DYRK1A: variants seen among roughly 807,000 people sequenced by gnomAD.
DYRK1A encodes the protein dual specificity tyrosine phosphorylation regulated kinase 1A, also known as dual specificity tyrosine-phosphorylation-regulated kinase 1A.
A neutral mutation model predicts 79.7 loss-of-function variants in DYRK1A; 9 were observed. The ratio of observed to expected loss-of-function variants is 0.11; its 90% CI spans 0.07 to 0.20. DYRK1A has a LOEUF of 0.20. Among genes scored for constraint, DYRK1A ranks in the 10% least tolerant of loss-of-function variants. DYRK1A has a pLI of 1.00. For missense variants in DYRK1A, 622 were observed against 956.0 expected (o/e 0.65, Z 4.61); for synonymous variants, 349 against 329.7 (o/e 1.06, Z -0.63).
At chr21:37,381,087 C>G (rs895887913) in intron 1 of DYRK1A, among the ~76,000 whole-genome samples, 1 of 152,198 alleles carries the variant, frequency 6.6e-6, no homozygotes, top group Non-Finnish European at 1.5e-5. Context: ...GTTTTGCTCT[C>G]TCTTGCAATC....
At chr21:37,463,380 A>G (rs917916374) in intron 2 of DYRK1A, among the ~76,000 whole-genome samples, 1 of 152,162 alleles carries the variant, frequency 6.6e-6, no homozygotes, top group African/African-American at 2.4e-5. Flanking sequence ...ATATATATTT[A>G]TTTAACACCT....
intron 1 of DYRK1A, among the ~76,000 whole-genome samples, chr21:37,369,164 T>C (rs1479079354): frequency 1.3e-5 from 2 of 152,202 alleles, no homozygotes; most frequent in African/African-American, 4.8e-5. Context: ...TTTTATAGTT[T>C]ATGTGTCCAA....
chr21:37,476,911 G>A (rs2052418340), intron 3 of DYRK1A, among the ~76,000 whole-genome samples: 1 of 150,480 alleles, frequency 6.6e-6, no homozygotes, highest in Non-Finnish European at 1.5e-5. Flanking sequence ...TGCCCTCTGG[G>A]TAACAACTTT....
At position 37,420,295 on chromosome 21, in the gene DYRK1A, A is replaced by G; in HGVS notation, c.-76-4A>G. The stretch of plus-strand genomic sequence containing the variant: ...CTTATCATAATCTGTTTTTCTTCAC[A>G]CAGTGTTATAGTTTTGCCGCTGGAC... On this transcript the variant is annotated splice_region_variant and splice_polypyrimidine_tract_variant and intron_variant, in intron 1 of 11. Coordinates refer to ENST00000647188, the MANE Select transcript of DYRK1A (RefSeq NM_001347721.2). 2.4e-6 allele frequency: 3 copies of G among 1,240,768 alleles called. No individual in the cohort carries two copies. Among genetic ancestry groups the G allele is most frequent in the Non-Finnish European group, 3.5e-6 (3 of 866,940 alleles). The allele number at this position is 1,240,768 out of a possible 1,614,324, so 76.9% of individuals were successfully genotyped here. A position where few individuals can be genotyped will look rare whatever the true frequency, so the allele number is the denominator to read the frequency against.
chr21:37,437,735 T>C (rs2050967450), intron 2 of DYRK1A, among the ~76,000 whole-genome samples: 1 of 152,236 alleles, frequency 6.6e-6, no homozygotes, highest in Non-Finnish European at 1.5e-5. Flanking sequence ...GTATATACTT[T>C]GGTTTATCCA....
chr21:37,371,227 A>G (rs528238884), intron 1 of DYRK1A, among the ~76,000 whole-genome samples: 2 of 152,208 alleles, frequency 1.3e-5, no homozygotes, highest in African/African-American at 2.4e-5. Flanking sequence ...TGAAAGTGAA[A>G]TGTAGACTTC....
At chr21:37,477,512 T>C (rs1601216504) in intron 3 of DYRK1A, among the ~76,000 whole-genome samples, 1 of 152,106 alleles carries the variant, frequency 6.6e-6, no homozygotes, top group Admixed American at 6.5e-5. Context: ...TTGTAATTGC[T>C]GTGGAAACGG....
At chr21:37,511,668 G>A (rs2053751982) in intron 11 of DYRK1A, among the ~76,000 whole-genome samples, 1 of 152,194 alleles carries the variant, frequency 6.6e-6, no homozygotes, top group Non-Finnish European at 1.5e-5. Flanking sequence ...AGTGGCTAGT[G>A]AAATAGATGA....
At chr21:37,418,467 T>C (rs1433936308) in intron 1 of DYRK1A, among the ~76,000 whole-genome samples, 2 of 152,210 alleles carry the variant, frequency 1.3e-5, no homozygotes, top group Non-Finnish European at 2.9e-5. Flanking sequence ...CAAAGAACTT[T>C]TGTGTCAGTA....
rs2049926849 is a variant in DYRK1A at position 37,394,536 on chromosome 21, C to T, written c.-76-25763C>T. On this transcript the variant is annotated intron_variant, in intron 1 of 11. Transcript: ENST00000647188. ...GTGGCCTGTTAGGAATTGGACTGCACCCCATGAGGTGAGCTTTGGGCAAGC... is the reference window on the plus strand; with the variant it reads ...GTGGCCTGTTAGGAATTGGACTGCATCCCATGAGGTGAGCTTTGGGCAAGC... Among the ~76,000 whole-genome samples, 5 of 151,494 alleles carry T rather than the reference C, an allele frequency of 3.3e-5. No individual in the cohort carries two copies. In the South Asian group the frequency reaches 8.3e-4, roughly 25 times the overall value.
intron 2 of DYRK1A, among the ~76,000 whole-genome samples, chr21:37,459,730 A>G (rs1233990376): frequency 1.3e-5 from 2 of 152,294 alleles, no homozygotes; most frequent in East Asian, 3.9e-4. Flanking sequence ...AGCAGCTGTC[A>G]TCTGGTTTGT....
chr21:37,372,448 CAAAA>C (rs60876813), intron 1 of DYRK1A, among the ~76,000 whole-genome samples: 1 of 117,234 alleles, frequency 8.5e-6, no homozygotes, highest in East Asian at 2.3e-4. Context: ...AGCACTGTCT[CAAAA>C]AAAAAAAAAA....
At chr21:37,425,004 G>A (rs953749483) in intron 2 of DYRK1A, among the ~76,000 whole-genome samples, 2 of 152,174 alleles carry the variant, frequency 1.3e-5, no homozygotes, top group Non-Finnish European at 2.9e-5. Context: ...TATACTTGGT[G>A]GAGGAAATAT....
rs764259930 is a variant in DYRK1A, at chr21:37,496,217, G to C, written c.1171G>C (p.Asp391His). Residue 391 changes from aspartate (D) to histidine (H), a missense_variant, in exon 9 of 12, where the codon GAT (aspartate) becomes CAT (histidine). Transcript: ENST00000647188. ...KARKFFEKLP[D>H]GTWNLKKTKD... ...AAGAAAGTTCTTTGAGAAGTTGCCA[G>C]ATGGCACTTGGAACTTAAAGAAGAC... is the stretch of plus-strand genomic sequence containing the variant. 3.1e-6 allele frequency: 5 copies of C among 1,614,098 alleles called. No individual in the cohort carries two copies. The highest frequency in any genetic ancestry group is 4.2e-6 in the Non-Finnish European group (5 of 1,179,998).
chr21:37,470,108 C>T (rs1405381323), intron 2 of DYRK1A, among the ~76,000 whole-genome samples: 4 of 152,248 alleles, frequency 2.6e-5, no homozygotes, highest in East Asian at 3.9e-4. Context: ...TGTGCCACTG[C>T]ACTCCAGCCT....
At chr21:37,480,093 A>C (rs1213839742) in intron 4 of DYRK1A, among the ~76,000 whole-genome samples, 1 of 152,194 alleles carries the variant, frequency 6.6e-6, no homozygotes, top group Non-Finnish European at 1.5e-5. Flanking sequence ...GTAAAACATC[A>C]CTTGGTCTAC....
intron 1 of DYRK1A, among the ~76,000 whole-genome samples, chr21:37,388,317 C>G (rs2148381967): frequency 6.6e-6 from 1 of 151,844 alleles, no homozygotes; most frequent in East Asian, 1.9e-4. Context: ...ACTCTGGGCT[C>G]AAGCAGTCCA....
chr21:37,424,415 T>A lies in DYRK1A; in HGVS notation c.10+4031T>A, dbSNP rs1430057918. ...TAAGTATAAGGAAACATATCCCAAG[T>A]TTTAGTGTCCCCTACAGTGTGGCAC... On this transcript the variant is annotated intron_variant, in intron 2 of 11. Coordinates refer to ENST00000647188, the MANE Select transcript of DYRK1A (RefSeq NM_001347721.2). Among the ~76,000 whole-genome samples the A allele has an allele frequency of 2.0e-5, 3 of 152,118 alleles. No homozygotes were observed. In the East Asian group the frequency reaches 5.8e-4, roughly 29 times the overall value.
At chr21:37,445,673 G>T (rs144195428) in intron 2 of DYRK1A, among the ~76,000 whole-genome samples, 19 of 152,208 alleles carry the variant, frequency 1.2e-4, no homozygotes, top group Non-Finnish European at 2.1e-4. Context: ...CATCAGTCAT[G>T]CAGATCTCTT....
Sources: allele counts gnomAD v4.1 joint callset (sites outside exome capture counted in the v4.1 genomes callset), GRCh38; gene constraint gnomAD v4.1.1; transcripts MANE v1.5; gene names NCBI Gene and HGNC (gene_info 2026-07-23, HGNC 2026-07-21).